The following PANX1 variants were observed in gnomAD, a reference collection of about 807,000 sequenced individuals.
PANX1 encodes the protein pannexin 1.
In PANX1, 30 loss-of-function variants were observed where a neutral mutation model predicts 38.7. The ratio of observed to expected loss-of-function variants is 0.78; its 90% CI spans 0.58 to 1.05. PANX1 has a LOEUF of 1.05. Ranked by LOEUF, PANX1 falls within the 50% of genes least tolerant of loss-of-function variation. The pLI is 0.00. For missense variants in PANX1, 551 were observed against 517.2 expected (o/e 1.07, Z -0.63); for synonymous variants, 230 against 212.2 (o/e 1.08, Z -0.73).
intron 1 of PANX1, among the ~76,000 whole-genome samples, chr11:94,143,602 G>T (rs1397146795): frequency 2.0e-5 from 3 of 152,128 alleles, no homozygotes; most frequent in African/African-American, 7.2e-5. Context: ...AAGTTGCTGG[G>T]AAGTAAAAGA....
intron 1 of PANX1, among the ~76,000 whole-genome samples, chr11:94,138,441 T>C (rs557654265): frequency 1.3e-5 from 2 of 152,368 alleles, no homozygotes; most frequent in South Asian, 4.1e-4. Context: ...TAGCTAGCCT[T>C]TATTGTATTT....
At chr11:94,154,398 C>T (rs1416989631) in intron 2 of PANX1, among the ~76,000 whole-genome samples, 1 of 152,220 alleles carries the variant, frequency 6.6e-6, no homozygotes, top group Non-Finnish European at 1.5e-5. Flanking sequence ...ATTAGGTCTT[C>T]TCTGTGCTTC....
chr11:94,134,071 TCCC>T (rs1946660562), intron 1 of PANX1, among the ~76,000 whole-genome samples: 1 of 152,236 alleles, frequency 6.6e-6, no homozygotes, highest in Non-Finnish European at 1.5e-5. Flanking sequence ...AGGTAAGTTG[TCCC>T]ACTTGATTTA....
At chr11:94,135,719 A>C (rs1480432432) in intron 1 of PANX1, among the ~76,000 whole-genome samples, 1 of 152,240 alleles carries the variant, frequency 6.6e-6, no homozygotes, top group Non-Finnish European at 1.5e-5. Context: ...AGCTAAATAC[A>C]TCATCATGGT....
At chr11:94,158,260 A>G (rs1482149899) in intron 2 of PANX1, among the ~76,000 whole-genome samples, 2 of 152,000 alleles carry the variant, frequency 1.3e-5, no homozygotes, top group African/African-American at 2.4e-5. Flanking sequence ...TGAACTTTAA[A>G]GTAGTTTTTT....
intron 2 of PANX1, among the ~76,000 whole-genome samples, chr11:94,164,229 A>G (rs1272532110): frequency 3.3e-5 from 5 of 151,604 alleles, no homozygotes; most frequent in Admixed American, 6.6e-5. Context: ...CTGCTCTTTA[A>G]TAGTCTACTG....
chr11:94,157,513 CTGTT>C (rs1946968105), intron 2 of PANX1, among the ~76,000 whole-genome samples: 1 of 152,088 alleles, frequency 6.6e-6, no homozygotes, highest in South Asian at 2.1e-4. Flanking sequence ...TTTCATGTGT[CTGTT>C]GGCTGCATAA....
chr11:94,137,149 C>T (rs535069049), intron 1 of PANX1, among the ~76,000 whole-genome samples: 1 of 151,992 alleles, frequency 6.6e-6, no homozygotes, highest in Non-Finnish European at 1.5e-5. Context: ...ACTTAAAATA[C>T]AAAAATTAGC....
chr11:94,136,502 C>T (rs183915995), intron 1 of PANX1, among the ~76,000 whole-genome samples: 267 of 152,272 alleles, frequency 1.8e-3, no homozygotes, highest in African/African-American at 6.2e-3. Flanking sequence ...ACATATCGGC[C>T]GGGCGCGGTG....
intron 2 of PANX1, 44 bp from the exon 3 acceptor site, chr11:94,178,325 A>G (rs1310033371): frequency 6.9e-7 from 1 of 1,444,662 alleles, no homozygotes; most frequent in Admixed American, 1.7e-5. Flanking sequence ...AGGTTACTGC[A>G]TGGGGGGTTT....
chr11:94,161,814 G>A (rs1194075434), intron 2 of PANX1, among the ~76,000 whole-genome samples: 2 of 152,124 alleles, frequency 1.3e-5, no homozygotes, highest in East Asian at 3.9e-4. Flanking sequence ...TTAGTTTCCA[G>A]TATTTCTGCT....
At chr11:94,169,824 C>A (rs1299724430) in intron 2 of PANX1, among the ~76,000 whole-genome samples, 1 of 151,594 alleles carries the variant, frequency 6.6e-6, no homozygotes, top group African/African-American at 2.4e-5. Flanking sequence ...GAACTCCTCA[C>A]CTCTAAAACC....
intron 1 of PANX1, among the ~76,000 whole-genome samples, chr11:94,140,229 C>T (rs76526163): frequency 0.038 from 5,859 of 152,322 alleles, 396 homozygotes; most frequent in African/African-American, 0.13. Context: ...ACTGCATCAG[C>T]CCCAGGAGGT....
intron 4 of PANX1, 77 bp downstream of exon 4, chr11:94,180,334 C>A: frequency 8.3e-7 from 1 of 1,209,344 alleles, no homozygotes; most frequent in Non-Finnish European, 1.2e-6. Context: ...TATTGACAGT[C>A]TTTACCCTGC....
At chr11:94,152,067 G>A (rs1946888359) in intron 1 of PANX1, among the ~76,000 whole-genome samples, 1 of 137,446 alleles carries the variant, frequency 7.3e-6, no homozygotes, top group South Asian at 2.1e-4. Context: ...TTATGTGCCA[G>A]GGATTAGGGA....
At chr11:94,151,639 G>C (rs578184272) in intron 1 of PANX1, among the ~76,000 whole-genome samples, 6 of 152,314 alleles carry the variant, frequency 3.9e-5, no homozygotes, top group African/African-American at 1.4e-4. Flanking sequence ...TCACACTGAT[G>C]CGGGAACCGT....
intron 1 of PANX1, among the ~76,000 whole-genome samples, chr11:94,135,872 T>A (rs1946682750): frequency 6.6e-6 from 1 of 152,238 alleles, no homozygotes; most frequent in South Asian, 2.1e-4. Context: ...CCATAGTGGC[T>A]TGCTTTTTCT....
intron 2 of PANX1, among the ~76,000 whole-genome samples, chr11:94,162,233 C>A (rs1458782103): frequency 6.6e-6 from 1 of 152,206 alleles, no homozygotes; most frequent in Non-Finnish European, 1.5e-5. Flanking sequence ...AGAACCACTA[C>A]TCTCTTCAAA....
At chr11:94,143,841 G>A (rs1946793846) in intron 1 of PANX1, among the ~76,000 whole-genome samples, 1 of 151,508 alleles carries the variant, frequency 6.6e-6, no homozygotes, top group African/African-American at 2.4e-5. Flanking sequence ...CTTGACCTCT[G>A]GGGCTCAAGT....
Sources: allele counts gnomAD v4.1 joint callset (sites outside exome capture counted in the v4.1 genomes callset), GRCh38; gene constraint gnomAD v4.1.1; transcripts MANE v1.5; gene names NCBI Gene and HGNC (gene_info 2026-07-23, HGNC 2026-07-21).